CATSPERE: variants seen among roughly 807,000 people sequenced by gnomAD.
CATSPERE encodes the protein cation channel sperm-associated auxiliary subunit epsilon.
CATSPERE carries 93 observed loss-of-function variants against 114.1 expected under a neutral mutation model. The observed-to-expected ratio is 0.81, with a 90% CI of 0.69 to 0.97. The LOEUF is 0.97. CATSPERE is among the 50% of genes least tolerant of loss of function. The probability of loss-of-function intolerance (pLI) is 0.00; values close to 1 mark genes in which losing one functional copy is unlikely to be tolerated. For synonymous variants in CATSPERE, 341 were observed against 384.1 expected (o/e 0.89, Z 1.31); for missense variants, 1,058 against 1,131.6 (o/e 0.93, Z 0.93).
At chr1:244,582,424 A>G (rs1666327078) in intron 12 of CATSPERE, among the ~76,000 whole-genome samples, 1 of 145,298 alleles carries the variant, frequency 6.9e-6, no homozygotes, top group South Asian at 2.2e-4. Flanking sequence ...TTTTTTTAAG[A>G]TGGAGTCTCA....
intron 8 of CATSPERE, among the ~76,000 whole-genome samples, chr1:244,528,785 C>CCACACACACACACACACACACACA (rs56746061): frequency 6.9e-5 from 9 of 130,584 alleles, no homozygotes; most frequent in African/African-American, 2.1e-4. Flanking sequence ...CAATCCCCCA[C>CCACACACACACACACACACACACA]CACACACACA....
chr1:244,624,068 T>C (rs971067986), intron 20 of CATSPERE, among the ~76,000 whole-genome samples: 29 of 151,594 alleles, frequency 1.9e-4, no homozygotes, highest in African/African-American at 6.1e-4. Flanking sequence ...TTCACACCAT[T>C]CTCCTGCCTC....
upstream of CATSPERE, among the ~76,000 whole-genome samples, chr1:244,460,717 C>A (rs1666610662): frequency 6.6e-6 from 1 of 152,230 alleles, no homozygotes; most frequent in African/African-American, 2.4e-5. Context: ...AGTTGGAGAC[C>A]AGCCTGGGCA....
intron 17 of CATSPERE, 78 bp from the exon 18 acceptor site, chr1:244,605,617 T>G (rs999234020): frequency 1.1e-6 from 1 of 906,704 alleles, no homozygotes. Flanking sequence ...ACCTAAGCAC[T>G]TCTGACTCAG....
chr1:244,496,997 G>T (rs1233080177), intron 6 of CATSPERE, among the ~76,000 whole-genome samples: 2 of 152,172 alleles, frequency 1.3e-5, no homozygotes, highest in African/African-American at 4.8e-5. Context: ...GTCAATAAAT[G>T]ATATTTAGAT....
intron 9 of CATSPERE, among the ~76,000 whole-genome samples, chr1:244,553,503 C>G (rs1660991546): frequency 6.7e-6 from 1 of 149,762 alleles, no homozygotes. Flanking sequence ...ATGGCGTGAA[C>G]CCGGGAGGCG....
At chr1:244,617,940 G>T (rs1671607128) in intron 20 of CATSPERE, among the ~76,000 whole-genome samples, 1 of 152,166 alleles carries the variant, frequency 6.6e-6, no homozygotes, top group Admixed American at 6.6e-5. Flanking sequence ...CCAAATATAG[G>T]CACAGTCTCA....
chr1:244,582,528 G>A (rs1371629475), intron 12 of CATSPERE, among the ~76,000 whole-genome samples: 6 of 151,384 alleles, frequency 4.0e-5, no homozygotes, highest in Non-Finnish European at 4.4e-5. Flanking sequence ...TCAGCCTCCC[G>A]AGTAGCTGGG....
At chr1:244,510,835 C>CTTTTTTTTTTTTTT (rs747921082) in intron 7 of CATSPERE, among the ~76,000 whole-genome samples, 6 of 48,340 alleles carry the variant, frequency 1.2e-4, no homozygotes, top group Admixed American at 3.3e-4. Context: ...TTTTCTTTTT[C>CTTTTTTTTTTTTTT]TTTTTTTTTT....
intron 7 of CATSPERE, among the ~76,000 whole-genome samples, chr1:244,508,005 G>T (rs1431104202): frequency 2.0e-5 from 3 of 151,970 alleles, no homozygotes; most frequent in Non-Finnish European, 4.4e-5. Context: ...TTTCTGTAAA[G>T]AATGTCCTTG....
At chr1:244,570,046 A>G (rs1398267443) in intron 10 of CATSPERE, among the ~76,000 whole-genome samples, 1 of 152,192 alleles carries the variant, frequency 6.6e-6, no homozygotes, top group Non-Finnish European at 1.5e-5. Flanking sequence ...TAAGCATTCA[A>G]TACATTTGTT....
intron 14 of CATSPERE, 112 bp downstream of exon 14, chr1:244,588,646 A>G: frequency 1.2e-6 from 1 of 837,968 alleles, no homozygotes; most frequent in South Asian, 1.5e-5. Flanking sequence ...CCACAATGAA[A>G]TCCAAAACTG....
intron 8 of CATSPERE, among the ~76,000 whole-genome samples, chr1:244,531,072 A>T (rs1395339812): frequency 6.9e-6 from 1 of 145,534 alleles, no homozygotes; most frequent in Non-Finnish European, 1.5e-5. Flanking sequence ...TACTAAAAAT[A>T]AAAAAAATTT....
intron 19 of CATSPERE, among the ~76,000 whole-genome samples, chr1:244,616,976 C>G (rs1671477816): frequency 6.6e-6 from 1 of 152,190 alleles, no homozygotes; most frequent in African/African-American, 2.4e-5. Context: ...ATAGTAGGAT[C>G]AGGTATCTGC....
intron 8 of CATSPERE, among the ~76,000 whole-genome samples, chr1:244,526,111 G>A (rs529909051): frequency 2.6e-5 from 4 of 152,290 alleles, no homozygotes; most frequent in Admixed American, 6.5e-5. Flanking sequence ...TTTCCTTAAT[G>A]GTGCTATCCT....
At chr1:244,495,350 G>A (rs1672919442) in intron 6 of CATSPERE, among the ~76,000 whole-genome samples, 1 of 152,106 alleles carries the variant, frequency 6.6e-6, no homozygotes, top group Non-Finnish European at 1.5e-5. Flanking sequence ...TGATTTTATG[G>A]GAATAGGGAA....
intron 8 of CATSPERE, among the ~76,000 whole-genome samples, chr1:244,542,315 G>A (rs981428332): frequency 6.6e-6 from 1 of 152,126 alleles, no homozygotes; most frequent in Admixed American, 6.6e-5. Flanking sequence ...ACCACGCCTT[G>A]ATGCTGTGCT....
At chr1:244,596,086 A>G (rs1572928455) in intron 17 of CATSPERE, among the ~76,000 whole-genome samples, 1 of 152,170 alleles carries the variant, frequency 6.6e-6, no homozygotes, top group African/African-American at 2.4e-5. Context: ...TGTTTTCACA[A>G]CCCTGTCGAT....
At chr1:244,589,510 C>T (rs187365090) in intron 14 of CATSPERE, among the ~76,000 whole-genome samples, 16 of 152,260 alleles carry the variant, frequency 1.1e-4, no homozygotes, top group Admixed American at 9.2e-4. Flanking sequence ...GGATGATTTA[C>T]ATCTTTGCTC....
Sources: gnomAD v4.1 joint callset for allele counts (sites outside exome capture counted in the v4.1 genomes callset) on GRCh38, gnomAD v4.1.1 for gene constraint, MANE v1.5 for transcripts, NCBI Gene and HGNC (gene_info 2026-07-23, HGNC 2026-07-21) for gene names.